Variants in GPATCH2 observed in about 807,000 individuals in gnomAD.
GPATCH2 encodes G-patch domain containing 2.
A neutral mutation model predicts 58.0 loss-of-function variants in GPATCH2; 51 were observed. The ratio of observed to expected loss-of-function variants is 0.88; its 90% CI spans 0.70 to 1.11. GPATCH2 has a LOEUF of 1.11. Among genes scored for constraint, GPATCH2 ranks in the 50% most tolerant of loss-of-function variants. GPATCH2 has a pLI of 0.00. For synonymous variants in GPATCH2, 222 were observed against 218.5 expected, an observed-to-expected ratio of 1.02 and a Z score of -0.14; for missense variants, 625 against 652.2, an observed-to-expected ratio of 0.96 and a Z score of 0.45.
intron 5 of GPATCH2, among the ~76,000 whole-genome samples, chr1:217,526,061 A>G (rs1663890265): frequency 6.6e-6 from 1 of 152,182 alleles, no homozygotes; most frequent in African/African-American, 2.4e-5. Context: ...TGTTTTCATA[A>G]ACTAGTCAAT....
At chr1:217,622,562 G>A (rs1223502084) in intron 1 of GPATCH2, among the ~76,000 whole-genome samples, 1 of 152,114 alleles carries the variant, frequency 6.6e-6, no homozygotes, top group Non-Finnish European at 1.5e-5. Flanking sequence ...TTGTTTGTTT[G>A]AGACGGAGTC....
At position 217,430,807 on chromosome 1, in the gene GPATCH2, G is replaced by C. The variant is rs1475525818; in HGVS notation, c.*338C>G. ...TGGTGGGTGTGCTCACGTTTGTCTG[G>C]GCATTGCAGCACTGCACACATACAT... On this transcript the variant is annotated 3_prime_UTR_variant, in exon 10 of 10. Transcript: ENST00000366935. 1 of 264,994 alleles carries C rather than the reference G, an allele frequency of 3.8e-6. No homozygotes were observed. Among genetic ancestry groups the C allele is most frequent in the East Asian group, 9.0e-5 (1 of 11,072 alleles). 16.4% of individuals were successfully genotyped at this position (264,994 alleles called of 1,614,324 possible).
intron 8 of GPATCH2, among the ~76,000 whole-genome samples, chr1:217,469,518 A>C (rs1026270581): frequency 7.9e-5 from 12 of 152,184 alleles, no homozygotes; most frequent in South Asian, 2.1e-4. Flanking sequence ...TTATAAAGAA[A>C]TTGATTCTTT....
intron 8 of GPATCH2, among the ~76,000 whole-genome samples, chr1:217,453,057 C>A (rs265124): frequency 1 from 152,323 of 152,350 alleles, 76,148 homozygotes; most frequent in Non-Finnish European, 1. Context: ...TGTCACTCTT[C>A]ATGTAAACAA....
At chr1:217,575,636 T>C (rs1666770718) in intron 5 of GPATCH2, among the ~76,000 whole-genome samples, 1 of 152,112 alleles carries the variant, frequency 6.6e-6, no homozygotes, top group Admixed American at 6.5e-5. Context: ...ATTAGTATGA[T>C]AATAAAGCCT....
chr1:217,604,978 T>A (rs1668286931), intron 5 of GPATCH2, among the ~76,000 whole-genome samples: 1 of 151,996 alleles, frequency 6.6e-6, no homozygotes, highest in East Asian at 1.9e-4. Flanking sequence ...TGAGCTGAGA[T>A]CTGCCACTGC....
intron 9 of GPATCH2, among the ~76,000 whole-genome samples, chr1:217,448,094 G>C (rs1659473243): frequency 7.5e-6 from 1 of 134,156 alleles, no homozygotes; most frequent in South Asian, 2.3e-4. Flanking sequence ...GTGAAACTCT[G>C]TCTCAGAAAA....
intron 1 of GPATCH2, among the ~76,000 whole-genome samples, chr1:217,628,068 T>G (rs146449058): frequency 1.3e-3 from 200 of 152,150 alleles, no homozygotes; most frequent in African/African-American, 4.3e-3. Flanking sequence ...CAATAAAAAT[T>G]TACTGAACAT....
chr1:217,513,114 A>AC (rs1180842445), intron 6 of GPATCH2, among the ~76,000 whole-genome samples: 1 of 152,112 alleles, frequency 6.6e-6, no homozygotes, highest in Non-Finnish European at 1.5e-5. Context: ...ACACGGGGAT[A>AC]CCCCATCTCT....
chr1:217,453,602 TG>T (rs1558402961), intron 8 of GPATCH2, among the ~76,000 whole-genome samples: 1 of 152,082 alleles, frequency 6.6e-6, no homozygotes, highest in African/African-American at 2.4e-5. Flanking sequence ...ATCTTTTAAA[TG>T]GGGTGGTGGC....
At chr1:217,529,524 TCTC>T (rs1664084532) in intron 5 of GPATCH2, among the ~76,000 whole-genome samples, 1 of 152,164 alleles carries the variant, frequency 6.6e-6, no homozygotes, top group African/African-American at 2.4e-5. Context: ...CCTTTGACCT[TCTC>T]CTCCATGTTA....
At chr1:217,514,963 T>C in intron 5 of GPATCH2, 74 bp from the exon 6 acceptor site, 1 of 736,164 alleles carries the variant, frequency 1.4e-6, no homozygotes, top group South Asian at 1.5e-5. Flanking sequence ...TAGTGATATA[T>C]CAATTTGAAG....
At chr1:217,454,545 C>T (rs138628459) in intron 8 of GPATCH2, among the ~76,000 whole-genome samples, 23,318 of 142,474 alleles carry the variant, frequency 0.16, 2,362 homozygotes, top group East Asian at 0.34. Flanking sequence ...GTCGAGATCG[C>T]GCCACTGCAC....
intron 5 of GPATCH2, among the ~76,000 whole-genome samples, chr1:217,522,104 G>A (rs894090604): frequency 5.9e-5 from 9 of 152,020 alleles, no homozygotes; most frequent in African/African-American, 1.7e-4. Context: ...TGTTTTTAAC[G>A]TAAAACTAAA....
chr1:217,482,126 C>A (rs1272228610), intron 8 of GPATCH2, among the ~76,000 whole-genome samples: 1 of 152,120 alleles, frequency 6.6e-6, no homozygotes, highest in Non-Finnish European at 1.5e-5. Context: ...AATTGGAAGT[C>A]AGGCACCTCA....
chr1:217,530,482 A>G (rs549740815), intron 5 of GPATCH2, among the ~76,000 whole-genome samples: 1 of 152,348 alleles, frequency 6.6e-6, no homozygotes, highest in South Asian at 2.1e-4. Flanking sequence ...CAATAATAAG[A>G]TGACAATAAA....
intron 5 of GPATCH2, among the ~76,000 whole-genome samples, chr1:217,543,310 C>T (rs1415722923): frequency 6.8e-6 from 1 of 146,996 alleles, no homozygotes; most frequent in African/African-American, 2.5e-5. Flanking sequence ...CGCTCTGTCG[C>T]CCAGGCTGGA....
intron 5 of GPATCH2, among the ~76,000 whole-genome samples, chr1:217,527,594 C>CAAACAAAACA (rs531849663): frequency 2.7e-5 from 4 of 150,608 alleles, no homozygotes; most frequent in African/African-American, 7.3e-5. Flanking sequence ...AGGAGGGAAA[C>CAAACAAAACA]AAACAAAACA....
At chr1:217,458,157 G>A (rs981755414) in intron 8 of GPATCH2, among the ~76,000 whole-genome samples, 4 of 152,204 alleles carry the variant, frequency 2.6e-5, no homozygotes, top group Non-Finnish European at 1.5e-5. Context: ...GTGAACCCGG[G>A]AGGCGGAGCT....
Sources: gnomAD v4.1 joint callset for allele counts (sites outside exome capture counted in the v4.1 genomes callset) on GRCh38, gnomAD v4.1.1 for gene constraint, MANE v1.5 for transcripts, NCBI Gene and HGNC (gene_info 2026-07-23, HGNC 2026-07-21) for gene names.